Variants in COL22A1 observed in about 807,000 individuals in gnomAD.
COL22A1 encodes collagen type XXII alpha 1 chain, also known as collagen alpha-1(XXII) chain.
COL22A1 carries 221 observed loss-of-function variants against 248.9 expected under a neutral mutation model. The ratio of observed to expected loss-of-function variants is 0.89; its 90% CI spans 0.80 to 0.99. The LOEUF (loss-of-function observed/expected upper bound fraction) is 0.99. Ranked by LOEUF, COL22A1 falls within the 50% of genes least tolerant of loss-of-function variation. The probability of loss-of-function intolerance (pLI) is 0.00; values close to 1 mark genes in which losing one functional copy is unlikely to be tolerated. For synonymous variants in COL22A1, 891 were observed against 793.4 expected (o/e 1.12, Z -2.07); for missense variants, 2,240 against 2,179.0 (o/e 1.03, Z -0.56).
At chr8:138,705,788 C>A (rs1468420723) in intron 30 of COL22A1, among the ~76,000 whole-genome samples, 1 of 152,102 alleles carries the variant, frequency 6.6e-6, no homozygotes, top group Non-Finnish European at 1.5e-5. Flanking sequence ...ACAATATTAA[C>A]CTTAAATGTA....
intron 46 of COL22A1, among the ~76,000 whole-genome samples, chr8:138,649,008 C>A (rs1278184472): frequency 6.6e-6 from 1 of 152,214 alleles, no homozygotes; most frequent in East Asian, 1.9e-4. Context: ...AAATGTAATT[C>A]AATATTAAAA....
At chr8:138,868,743 T>TC (rs1230441792) in intron 3 of COL22A1, among the ~76,000 whole-genome samples, 1 of 151,820 alleles carries the variant, frequency 6.6e-6, no homozygotes, top group Non-Finnish European at 1.5e-5. Flanking sequence ...CCTTTTTTTT[T>TC]TTTTGGAGAC....
At chr8:138,666,159 T>C (rs531889607) in intron 41 of COL22A1, among the ~76,000 whole-genome samples, 1 of 152,354 alleles carries the variant, frequency 6.6e-6, no homozygotes, top group Non-Finnish European at 1.5e-5. Flanking sequence ...CACCAGAATA[T>C]AGCACATTTG....
chr8:138,700,988 CAAAAAAAA>C (rs5895554), intron 31 of COL22A1, among the ~76,000 whole-genome samples: 1 of 54,704 alleles, frequency 1.8e-5, no homozygotes, highest in Non-Finnish European at 3.1e-5. Flanking sequence ...GACTCCGTCT[CAAAAAAAA>C]AAAAAAAAAA....
intron 15 of COL22A1, among the ~76,000 whole-genome samples, 175 bp from the exon 16 acceptor site, chr8:138,776,185 C>T (rs937572322): frequency 3.3e-5 from 5 of 152,142 alleles, no homozygotes; most frequent in Admixed American, 1.3e-4. Flanking sequence ...GCTGCTGTGT[C>T]GTCTGGGCCT....
chr8:138,616,122 G>T lies in COL22A1; in HGVS notation c.3871-68C>A, dbSNP rs1015429785. On this transcript the variant is annotated intron_variant, in intron 54 of 64. Transcript: ENST00000303045. ...GCCACTGGCTGTCTCAACCACAGGG[G>T]CACCTGAGGAGCTGGGAGAGGTGGA... 9 of 1,290,414 alleles carry T rather than the reference G, an allele frequency of 7.0e-6. No homozygotes were observed. The African/African-American group carries it at 7.3e-5, about 10-fold the overall frequency. 79.9% of individuals were successfully genotyped at this position (1,290,414 alleles called of 1,614,324 possible). A position where few individuals can be genotyped will look rare whatever the true frequency, so the allele number is the denominator to read the frequency against.
At chr8:138,623,974 C>CT (rs1430635405) in intron 51 of COL22A1, among the ~76,000 whole-genome samples, 189 bp from the exon 52 acceptor site, 1 of 152,166 alleles carries the variant, frequency 6.6e-6, no homozygotes, top group Non-Finnish European at 1.5e-5. Context: ...AAGATTCCAG[C>CT]TGTGGATCTC....
At chr8:138,595,369 T>C (rs750446454) in intron 62 of COL22A1, among the ~76,000 whole-genome samples, 1 of 152,164 alleles carries the variant, frequency 6.6e-6, no homozygotes, top group Non-Finnish European at 1.5e-5. Flanking sequence ...GCAGATTCTC[T>C]ATCCAAACCA....
chr8:138,877,045 C>G (rs1254795859), intron 3 of COL22A1, among the ~76,000 whole-genome samples: 2 of 152,204 alleles, frequency 1.3e-5, no homozygotes, highest in African/African-American at 4.8e-5. Flanking sequence ...CAGAATGACC[C>G]CCACTAAATC....
At chr8:138,643,651 C>CAGACAGACAGACAGACAGACAGAT (rs1554728513) in intron 47 of COL22A1, among the ~76,000 whole-genome samples, 14 of 146,542 alleles carry the variant, frequency 9.6e-5, no homozygotes, top group African/African-American at 3.5e-4. Flanking sequence ...GATAGATAGA[C>CAGACAGACAGACAGACAGACAGAT]AGATAGATAG....
chr8:138,623,265 TGTGTGTGTG>T (rs1564109256), intron 52 of COL22A1, among the ~76,000 whole-genome samples: 441 of 3,060 alleles, frequency 0.14, 3 homozygotes, highest in South Asian at 0.41. Context: ...TATATTTATG[TGTGTGTGTG>T]TGTGTGTGTG....
At chr8:138,893,708 A>C (rs535647286) in intron 1 of COL22A1, among the ~76,000 whole-genome samples, 8 of 152,346 alleles carry the variant, frequency 5.3e-5, no homozygotes, top group Admixed American at 3.9e-4. Flanking sequence ...TTGACTGCAT[A>C]GGGGTAATGT....
At chr8:138,862,822 T>C (rs1271333375) in intron 3 of COL22A1, among the ~76,000 whole-genome samples, 1 of 151,874 alleles carries the variant, frequency 6.6e-6, no homozygotes, top group Non-Finnish European at 1.5e-5. Context: ...ACTTGTAATG[T>C]CCTCAAGGAC....
intron 19 of COL22A1, 118 bp from the exon 20 acceptor site, chr8:138,755,629 A>C (rs939768181): frequency 2.5e-5 from 34 of 1,362,598 alleles, no homozygotes; most frequent in Non-Finnish European, 3.6e-5. Flanking sequence ...GTGCCTCCTG[A>C]CTTTTCTCTG....
rs1832869085 is a variant in COL22A1, at chr8:138,754,892, G to A, written c.2031+265C>T. Among the ~76,000 whole-genome samples, 3 of 152,180 alleles carry A rather than the reference G, an allele frequency of 2.0e-5. No individual in the cohort carries two copies. The South Asian group carries it at 6.2e-4, about 32-fold the overall frequency. The stretch of plus-strand genomic sequence containing the variant: ...CAGAAACCCCCATCATGGCCCGCTG[G>A]GGACTGGGGGCTCTGAAGGCAGGGT... On this transcript the variant is annotated intron_variant, in intron 21 of 64. Transcript: ENST00000303045.
chr8:138,795,739 G>T (rs1196980662), intron 12 of COL22A1, among the ~76,000 whole-genome samples: 1 of 152,110 alleles, frequency 6.6e-6, no homozygotes, highest in Non-Finnish European at 1.5e-5. Context: ...GTCATTTCTA[G>T]TCTCACTTAT....
Position 138,611,118 on chromosome 8 carries a change from A to G in COL22A1, c.3978+2749T>C, listed in dbSNP as rs928350318. On this transcript the variant is annotated intron_variant, in intron 56 of 64. Coordinates refer to ENST00000303045, the MANE Select transcript of COL22A1 (RefSeq NM_152888.3). ...CTTCTGTGCCTTTGAATGTGTTTGCACTCATCAAGAATTTGATCGCTGCCC... is the reference window on the plus strand; with the variant it reads ...CTTCTGTGCCTTTGAATGTGTTTGCGCTCATCAAGAATTTGATCGCTGCCC... Among the ~76,000 whole-genome samples, 15 of 152,286 alleles carry G rather than the reference A, an allele frequency of 9.8e-5. No homozygotes were observed. In the South Asian group the frequency reaches 1.2e-3, roughly 13 times the overall value.
chr8:138,839,713 TG>T (rs969790781), intron 4 of COL22A1, among the ~76,000 whole-genome samples: 2 of 152,122 alleles, frequency 1.3e-5, no homozygotes, highest in African/African-American at 4.8e-5. Context: ...ATTATCTGGA[TG>T]GGGGGCCCAA....
chr8:138,669,074 G>T (rs1203380198), intron 41 of COL22A1, among the ~76,000 whole-genome samples: 1 of 152,170 alleles, frequency 6.6e-6, no homozygotes, highest in Non-Finnish European at 1.5e-5. Flanking sequence ...TGAAGGAGAA[G>T]GGCCTGAGCA....
Sources: allele counts gnomAD v4.1 joint callset (sites outside exome capture counted in the v4.1 genomes callset), GRCh38; gene constraint gnomAD v4.1.1; transcripts MANE v1.5; gene names NCBI Gene and HGNC (gene_info 2026-07-23, HGNC 2026-07-21).